DMD: variants seen among roughly 807,000 people sequenced by gnomAD.
DMD encodes dystrophin.
DMD carries 63 observed loss-of-function variants against 330.1 expected under a neutral mutation model. That is an observed-to-expected ratio of 0.19 (90% CI 0.16 to 0.24). The LOEUF is 0.24. Among genes scored for constraint, DMD ranks in the 10% least tolerant of loss-of-function variants. The probability of loss-of-function intolerance (pLI) is 1.00; values close to 1 mark genes in which losing one functional copy is unlikely to be tolerated. For synonymous variants in DMD, 1,223 were observed against 959.8 expected (o/e 1.27, Z -5.07); for missense variants, 3,344 against 2,684.1 (o/e 1.25, Z -5.43).
intron 76 of DMD, among the ~76,000 whole-genome samples, chrX:31,136,663 G>A (rs952814884): frequency 8.9e-6 from 1 of 112,441 alleles, no homozygotes; most frequent in Non-Finnish European, 1.9e-5. Flanking sequence ...GAACTCAATT[G>A]TACTGTGTTA....
intron 62 of DMD, among the ~76,000 whole-genome samples, chrX:31,304,295 G>C (rs1221438281): frequency 9.0e-6 from 1 of 111,432 alleles, no homozygotes; most frequent in Non-Finnish European, 1.9e-5. Context: ...CCATTTTATA[G>C]TTTTATGCTT....
At chrX:33,113,071 G>A (rs1326869792) in intron 1 of DMD, among the ~76,000 whole-genome samples, 1 of 61,587 alleles carries the variant, frequency 1.6e-5, no homozygotes, top group African/African-American at 6.4e-5. Context: ...TTTTTTTTTT[G>A]AGATGGAATT....
At chrX:32,858,233 GT>G (rs1569535247) in intron 2 of DMD, among the ~76,000 whole-genome samples, 1 of 112,229 alleles carries the variant, frequency 8.9e-6, no homozygotes, top group Non-Finnish European at 1.9e-5. Flanking sequence ...GTGCCTGCAG[GT>G]TTTAAATTTC....
At chrX:31,974,862 A>C (rs1367336076) in intron 44 of DMD, among the ~76,000 whole-genome samples, 1 of 107,947 alleles carries the variant, frequency 9.3e-6, no homozygotes, top group East Asian at 2.9e-4. Flanking sequence ...ATTGTAATGA[A>C]ATTTCCTTTT....
At position 32,644,322 on chromosome X, in the gene DMD, G is replaced by A. The variant is rs1167794947; in HGVS notation, c.1150-9C>T. On this transcript the variant is annotated splice_polypyrimidine_tract_variant and intron_variant, in intron 10 of 78. Transcript: ENST00000357033. ...AAATCCATCATGTACCCCTGACAAA[G>A]AAGGAAGTTAACAATTGTAATTAGA... is the stretch of plus-strand genomic sequence containing the variant. 2 of 1,206,905 alleles carry A rather than the reference G, an allele frequency of 1.7e-6. No individual in the cohort carries two copies. Among genetic ancestry groups the A allele is most frequent in the Non-Finnish European group, 2.2e-6 (2 of 892,946 alleles).
intron 44 of DMD, among the ~76,000 whole-genome samples, chrX:32,014,674 A>G (rs187554149): frequency 5.3e-5 from 6 of 112,173 alleles, no homozygotes; most frequent in African/African-American, 1.6e-4. Flanking sequence ...TAAGTGTTCA[A>G]TAAACACTTG....
At chrX:31,809,444 CT>C (rs1216771761) in intron 50 of DMD, among the ~76,000 whole-genome samples, 5 of 107,826 alleles carry the variant, frequency 4.6e-5, no homozygotes, top group East Asian at 5.8e-4. Flanking sequence ...ATAATTTTGA[CT>C]TTTTTTTTCC....
intron 63 of DMD, among the ~76,000 whole-genome samples, chrX:31,225,979 C>T (rs746129880): frequency 8.0e-5 from 9 of 112,057 alleles, no homozygotes; most frequent in African/African-American, 1.9e-4. Context: ...ACCTGGCAGC[C>T]GAGAGGTAGT....
At chrX:31,854,554 C>G in intron 48 of DMD, among the ~76,000 whole-genome samples, 1 of 111,477 alleles carries the variant, frequency 9.0e-6, no homozygotes, top group South Asian at 3.8e-4. Context: ...GATTAAAAAA[C>G]TAGAGTCACG....
At chrX:33,237,779 G>C (rs528210953) in intron 1 of DMD, among the ~76,000 whole-genome samples, 3 of 111,797 alleles carry the variant, frequency 2.7e-5, no homozygotes, top group African/African-American at 9.7e-5. Context: ...TGTATTGCTC[G>C]ATTTTGATAT....
chrX:31,464,197 T>G (rs2066710174), intron 59 of DMD, among the ~76,000 whole-genome samples: 1 of 111,742 alleles, frequency 8.9e-6, no homozygotes, highest in African/African-American at 3.2e-5. Context: ...TAGAATCAGA[T>G]GAACTCATTA....
intron 12 of DMD, among the ~76,000 whole-genome samples, chrX:32,598,198 T>A (rs896253557): frequency 1.8e-5 from 2 of 112,424 alleles, no homozygotes; most frequent in African/African-American, 3.2e-5. Flanking sequence ...GTGAAGCAAT[T>A]TAGAATAAAA....
At chrX:31,696,000 A>ATT (rs2083434330) in intron 52 of DMD, among the ~76,000 whole-genome samples, 1 of 111,718 alleles carries the variant, frequency 9.0e-6, no homozygotes, top group Non-Finnish European at 1.9e-5. Context: ...TTATTCCACA[A>ATT]TGTATATATA....
intron 43 of DMD, among the ~76,000 whole-genome samples, chrX:32,272,185 A>G (rs1167177058): frequency 8.9e-6 from 1 of 112,069 alleles, no homozygotes; most frequent in African/African-American, 3.2e-5. Context: ...ATAAATAGGT[A>G]AACAGAGAGT....
intron 17 of DMD, among the ~76,000 whole-genome samples, chrX:32,536,002 C>A (rs112797684): frequency 0.017 from 1,947 of 111,307 alleles, 43 homozygotes; most frequent in Admixed American, 0.068. Context: ...CACTGTGGCT[C>A]ATGCCTCTAA....
At position 31,134,706 on chromosome X, in the gene DMD, C is replaced by T. The variant is rs1219718066; in HGVS notation, c.10922-512G>A. 3.6e-5 allele frequency among the ~76,000 whole-genome samples: 4 copies of T among 112,337 alleles called. No individual in the cohort carries two copies. In the Admixed American group the frequency reaches 3.7e-4, roughly 11 times the overall value. On this transcript the variant is annotated intron_variant, in intron 76 of 78. Transcript: ENST00000357033. The stretch of plus-strand genomic sequence containing the variant: ...AAAGTGCTGGGATTACAGGCGTGAG[C>T]CAACACGCCCAGCCTACTGCGTATC...
intron 2 of DMD, among the ~76,000 whole-genome samples, chrX:32,939,204 ATATATATATTTGAGATATATATG>A (rs1217306495): frequency 5.2e-4 from 56 of 107,054 alleles, no homozygotes; most frequent in Non-Finnish European, 7.1e-4. Flanking sequence ...ATATGTGTAT[ATATATATATTTGAGATATATATG>A]TATATATATT....
At chrX:32,050,328 T>G (rs2096099417) in intron 44 of DMD, among the ~76,000 whole-genome samples, 1 of 111,273 alleles carries the variant, frequency 9.0e-6, no homozygotes, top group Non-Finnish European at 1.9e-5. Context: ...TTAGGAAGTG[T>G]TGTGCTTATG....
chrX:33,293,996 G>A (rs1462159148), intron 1 of DMD, among the ~76,000 whole-genome samples: 2 of 111,515 alleles, frequency 1.8e-5, no homozygotes, highest in Non-Finnish European at 3.8e-5. Flanking sequence ...ATGACCAGAC[G>A]TGGTGATAAG....
Sources: gnomAD v4.1 joint callset for allele counts (sites outside exome capture counted in the v4.1 genomes callset) on GRCh38, gnomAD v4.1.1 for gene constraint, MANE v1.5 for transcripts, NCBI Gene and HGNC (gene_info 2026-07-23, HGNC 2026-07-21) for gene names.